The following PDZD2 variants were observed in gnomAD, a reference collection of about 807,000 sequenced individuals.
PDZD2 encodes PDZ domain-containing protein 2.
In PDZD2, 90 loss-of-function variants were observed where a neutral mutation model predicts 220.7. The observed-to-expected ratio is 0.41, with a 90% confidence interval of 0.34 to 0.49. The LOEUF (loss-of-function observed/expected upper bound fraction) is 0.49. PDZD2 is among the 20% of genes least tolerant of loss of function. The pLI, the probability that PDZD2 is intolerant of heterozygous loss-of-function variation, is 0.28. For synonymous variants in PDZD2, 1,375 were observed against 1,450.5 expected, an observed-to-expected ratio of 0.95 and a Z score of 1.18; for missense variants, 3,174 against 3,608.5, an observed-to-expected ratio of 0.88 and a Z score of 3.08.
In PDZD2 at chr5:31,799,855, C is replaced by T. The variant is rs1294287943; in HGVS notation, c.476+131C>T. On this transcript the variant is annotated intron_variant, in intron 2 of 24. Transcript: ENST00000438447. ...TGGCATAAGAAATGTCTCATTTAAA[C>T]CCCCTCATCCATTCAACGCAGCATC... 9.1e-6 allele frequency: 6 copies of T among 661,760 alleles called. No homozygotes were observed. The East Asian group carries it at 1.6e-4, about 17-fold the overall frequency. The allele number at this position is 661,760 out of a possible 1,614,324, so 41.0% of individuals were successfully genotyped here.
intron 19 of PDZD2, among the ~76,000 whole-genome samples, chr5:32,080,347 CAAAAAAAAA>C (rs35491724): frequency 7.4e-5 from 4 of 54,282 alleles, no homozygotes; most frequent in Non-Finnish European, 1.3e-4. Context: ...GACTCCATCT[CAAAAAAAAA>C]AAAAAAAAAA....
intron 2 of PDZD2, among the ~76,000 whole-genome samples, chr5:31,923,182 C>T (rs576995212): frequency 7.2e-5 from 11 of 152,134 alleles, no homozygotes; most frequent in Non-Finnish European, 8.8e-5. Context: ...GTAATCCCAG[C>T]TACTCAGGGG....
intron 1 of PDZD2, among the ~76,000 whole-genome samples, chr5:31,685,168 C>T (rs554761597): frequency 6.6e-6 from 1 of 152,214 alleles, no homozygotes; most frequent in African/African-American, 2.4e-5. Context: ...ACCCGCTTGA[C>T]CCCCTTCTCT....
At chr5:31,986,610 T>A (rs1266444854) in intron 3 of PDZD2, among the ~76,000 whole-genome samples, 1 of 122,400 alleles carries the variant, frequency 8.2e-6, no homozygotes, top group Non-Finnish European at 1.6e-5. Context: ...AAATGGAATT[T>A]CGAGAAAAAC....
intron 1 of PDZD2, among the ~76,000 whole-genome samples, chr5:31,771,570 G>A (rs1279533998): frequency 6.6e-6 from 1 of 152,194 alleles, no homozygotes; most frequent in Non-Finnish European, 1.5e-5. Flanking sequence ...CAGGGTCCAG[G>A]AACAGGAGGT....
intron 7 of PDZD2, among the ~76,000 whole-genome samples, chr5:32,040,679 G>A (rs1756018261): frequency 6.7e-6 from 1 of 148,398 alleles, no homozygotes; most frequent in Non-Finnish European, 1.5e-5. Flanking sequence ...CCCCATCTGG[G>A]AAGTGGGGAG....
intron 2 of PDZD2, among the ~76,000 whole-genome samples, chr5:31,807,255 C>T (rs548151547): frequency 3.3e-5 from 5 of 152,240 alleles, no homozygotes; most frequent in South Asian, 2.1e-4. Context: ...CAGTAATAAA[C>T]GTGAGCAGAG....
rs183719131 is a variant in PDZD2, at chr5:31,842,715, C to A, written c.476+42991C>A. On this transcript the variant is annotated intron_variant, in intron 2 of 24. Coordinates refer to ENST00000438447, the MANE Select transcript of PDZD2 (RefSeq NM_178140.4). ...TAGCCAGATAAAAGTGATGATAATA[C>A]TAACAATGTGACAGGAGTTTAAGAA... Among the ~76,000 whole-genome samples, 325 of 152,252 alleles carry A rather than the reference C, an allele frequency of 2.1e-3. 4 individuals are homozygous for A. The highest frequency in any genetic ancestry group is 3.7e-3 in the East Asian group (19 of 5,180).
intron 2 of PDZD2, among the ~76,000 whole-genome samples, chr5:31,866,554 C>A (rs1561523883): frequency 6.6e-6 from 1 of 152,022 alleles, no homozygotes; most frequent in Non-Finnish European, 1.5e-5. Context: ...CTCCCACCAC[C>A]CTTAAAGGCA....
At chr5:31,649,549 A>C (rs1254271843) in intron 1 of PDZD2, among the ~76,000 whole-genome samples, 1 of 152,128 alleles carries the variant, frequency 6.6e-6, no homozygotes, top group East Asian at 1.9e-4. Flanking sequence ...CATACGCTCC[A>C]TTAAAGCAAA....
rs1271962957 is a variant in PDZD2 at position 31,873,599 on chromosome 5, C to A, written c.476+73875C>A. ...TTTATTTAATAAAGCCAGGGTCTTG[C>A]TATGTTGCCCAGGCTGGTTTCAAAT... On this transcript the variant is annotated intron_variant, in intron 2 of 24. Coordinates refer to ENST00000438447, the MANE Select transcript of PDZD2 (RefSeq NM_178140.4). Among the ~76,000 whole-genome samples the A allele has an allele frequency of 3.3e-5, 5 of 151,500 alleles. No homozygotes were observed. In the East Asian group the frequency reaches 9.6e-4, roughly 29 times the overall value.
intron 9 of PDZD2, 150 bp downstream of exon 9, chr5:32,052,880 G>A: frequency 1.3e-6 from 1 of 753,134 alleles, no homozygotes; most frequent in South Asian, 1.8e-5. Context: ...GTGCAATCAT[G>A]GCTCACTGCA....
At chr5:31,641,389 A>G (rs899273351) in intron 1 of PDZD2, among the ~76,000 whole-genome samples, 1 of 152,178 alleles carries the variant, frequency 6.6e-6, no homozygotes, top group Admixed American at 6.5e-5. Context: ...TTTGCCAGAG[A>G]GGATCTGAAA....
intron 1 of PDZD2, among the ~76,000 whole-genome samples, chr5:31,718,462 G>A (rs562692868): frequency 1.3e-5 from 2 of 152,286 alleles, no homozygotes; most frequent in Admixed American, 6.5e-5. Context: ...CAGGCCGTGT[G>A]GCTGAACAAC....
intron 2 of PDZD2, among the ~76,000 whole-genome samples, chr5:31,969,123 T>A (rs1749030623): frequency 6.6e-6 from 1 of 151,968 alleles, no homozygotes; most frequent in South Asian, 2.1e-4. Flanking sequence ...AAGGGATGTG[T>A]GAGATGCTAG....
At chr5:31,937,524 C>A (rs1195436394) in intron 2 of PDZD2, among the ~76,000 whole-genome samples, 1 of 152,170 alleles carries the variant, frequency 6.6e-6, no homozygotes, top group Non-Finnish European at 1.5e-5. Flanking sequence ...ATCCTCATGC[C>A]GTGGTGGCCA....
At chr5:31,892,819 C>A (rs1046119094) in intron 2 of PDZD2, among the ~76,000 whole-genome samples, 42 of 152,156 alleles carry the variant, frequency 2.8e-4, no homozygotes, top group African/African-American at 9.6e-4. Flanking sequence ...AGTCCTCCTG[C>A]CTCGGCCTCC....
intron 14 of PDZD2, among the ~76,000 whole-genome samples, chr5:32,063,186 A>G (rs569390108): frequency 6.6e-6 from 1 of 152,066 alleles, no homozygotes; most frequent in African/African-American, 2.4e-5. Context: ...GTGGGATTAC[A>G]GGCATGCGCC....
chr5:31,895,869 G>A (rs1741504706), intron 2 of PDZD2, among the ~76,000 whole-genome samples: 1 of 152,126 alleles, frequency 6.6e-6, no homozygotes, highest in Admixed American at 6.6e-5. Context: ...CTTCATGGCT[G>A]TAGATAATAG....
Sources: allele counts gnomAD v4.1 joint callset (sites outside exome capture counted in the v4.1 genomes callset), GRCh38; gene constraint gnomAD v4.1.1; transcripts MANE v1.5; gene names NCBI Gene and HGNC (gene_info 2026-07-23, HGNC 2026-07-21).